The following NALF1 variants were observed in gnomAD, a reference collection of about 807,000 sequenced individuals.
The protein encoded by NALF1 is family with sequence similarity 155 member A.
A neutral mutation model predicts 48.4 loss-of-function variants in NALF1; 3 were observed. That is an observed-to-expected ratio of 0.06 (90% CI 0.03 to 0.16). NALF1 has a LOEUF of 0.16. Among genes scored for constraint, NALF1 ranks in the 10% least tolerant of loss-of-function variants. NALF1 has a pLI of 1.00. For synonymous variants in NALF1, 262 were observed against 245.7 expected (o/e 1.07, Z -0.62); for missense variants, 526 against 571.5 (o/e 0.92, Z 0.81).
At chr13:107,638,853 A>G (rs997535161) in intron 1 of NALF1, among the ~76,000 whole-genome samples, 6 of 152,132 alleles carry the variant, frequency 3.9e-5, no homozygotes, top group African/African-American at 1.4e-4. Context: ...GTGAGGCTGG[A>G]GAACAGTGGG....
At chr13:107,440,906 T>A (rs116263091) in intron 1 of NALF1, among the ~76,000 whole-genome samples, 259 of 152,106 alleles carry the variant, frequency 1.7e-3, no homozygotes, top group African/African-American at 5.5e-3. Flanking sequence ...AACTTCGGTA[T>A]AAATAAACAA....
chr13:107,328,273 TACACACACACACACACACACAC>T (rs34987619), intron 1 of NALF1, among the ~76,000 whole-genome samples: 1 of 144,008 alleles, frequency 6.9e-6, no homozygotes, highest in Non-Finnish European at 1.5e-5. Context: ...TCTCCTGCAA[TACACACACACACACACACACAC>T]ACACACACAC....
intron 1 of NALF1, among the ~76,000 whole-genome samples, chr13:107,289,918 AC>A (rs1380006988): frequency 1.3e-5 from 2 of 152,128 alleles, no homozygotes; most frequent in African/African-American, 2.4e-5. Context: ...AAGAGCAGCA[AC>A]CCCTGTAGTG....
In NALF1 at chr13:107,495,419, A is replaced by G. The variant is rs144180341; in HGVS notation, c.916-284664T>C. Among the ~76,000 whole-genome samples the G allele has an allele frequency of 3.0e-4, 45 of 152,334 alleles. 1 individual carries two copies. In the East Asian group the frequency reaches 8.5e-3, roughly 29 times the overall value. On this transcript the variant is annotated intron_variant, in intron 1 of 2. Coordinates refer to ENST00000375915, the MANE Select transcript of NALF1 (RefSeq NM_001080396.3). The stretch of plus-strand genomic sequence containing the variant: ...ATAAAATGAAAATAGTTGATTTTTG[A>G]TATCTTGTCCAATGCCAAATAGACT...
chr13:107,629,096 T>C (rs532011709), intron 1 of NALF1, among the ~76,000 whole-genome samples: 200 of 152,288 alleles, frequency 1.3e-3, no homozygotes, highest in African/African-American at 4.4e-3. Context: ...CTGAATTAAA[T>C]TTCATAAGAC....
chr13:107,647,146 A>AT (rs1880334562), intron 1 of NALF1, among the ~76,000 whole-genome samples: 1 of 152,004 alleles, frequency 6.6e-6, no homozygotes. Context: ...GATTGAGGTA[A>AT]TTTATATATA....
intron 1 of NALF1, among the ~76,000 whole-genome samples, chr13:107,609,514 C>A (rs1879166416): frequency 6.6e-6 from 1 of 152,198 alleles, no homozygotes; most frequent in Non-Finnish European, 1.5e-5. Flanking sequence ...GCCTTGTGAG[C>A]CTGGTCTGAG....
At chr13:107,587,262 T>C (rs1878486240) in intron 1 of NALF1, among the ~76,000 whole-genome samples, 1 of 152,064 alleles carries the variant, frequency 6.6e-6, no homozygotes, top group Non-Finnish European at 1.5e-5. Flanking sequence ...ATTGAGGTGC[T>C]TTCCCCAACC....
At chr13:107,393,818 C>A (rs1038104054) in intron 1 of NALF1, among the ~76,000 whole-genome samples, 1 of 151,886 alleles carries the variant, frequency 6.6e-6, no homozygotes, top group African/African-American at 2.4e-5. Flanking sequence ...CAATAAAACT[C>A]TATATAACTC....
intron 1 of NALF1, among the ~76,000 whole-genome samples, chr13:107,385,170 T>A (rs1476250632): frequency 6.6e-6 from 1 of 152,220 alleles, no homozygotes; most frequent in Non-Finnish European, 1.5e-5. Context: ...ATATCTCATT[T>A]TATAAAGTTC....
chr13:107,585,035 A>G (rs770310407), intron 1 of NALF1, among the ~76,000 whole-genome samples: 2 of 152,204 alleles, frequency 1.3e-5, no homozygotes, highest in African/African-American at 2.4e-5. Flanking sequence ...AAAATGTGAC[A>G]TAACTGCAAT....
intron 1 of NALF1, among the ~76,000 whole-genome samples, chr13:107,631,486 T>G (rs1879833629): frequency 6.6e-6 from 1 of 152,188 alleles, no homozygotes; most frequent in Non-Finnish European, 1.5e-5. Flanking sequence ...CGTTGAATTA[T>G]GAGAAAATTA....
chr13:107,221,619 T>G (rs1434075929), intron 1 of NALF1, among the ~76,000 whole-genome samples: 3 of 152,086 alleles, frequency 2.0e-5, no homozygotes, highest in Non-Finnish European at 4.4e-5. Context: ...AACTATTTAC[T>G]ATCAGTTATT....
At chr13:107,652,827 AG>A (rs1344745635) in intron 1 of NALF1, among the ~76,000 whole-genome samples, 1 of 152,148 alleles carries the variant, frequency 6.6e-6, no homozygotes, top group African/African-American at 2.4e-5. Context: ...TTATCAGTAA[AG>A]GCCTTTCTCC....
At chr13:107,334,666 A>T (rs1268515469) in intron 1 of NALF1, among the ~76,000 whole-genome samples, 5 of 152,336 alleles carry the variant, frequency 3.3e-5, no homozygotes, top group African/African-American at 7.2e-5. Context: ...AAGACTTTTT[A>T]AAAAACCTTT....
At chr13:107,195,258 T>A (rs1879366210) in intron 2 of NALF1, among the ~76,000 whole-genome samples, 1 of 152,180 alleles carries the variant, frequency 6.6e-6, no homozygotes, top group Non-Finnish European at 1.5e-5. Flanking sequence ...AACCCACATG[T>A]ACCCTAAAAC....
At chr13:107,451,616 C>T (rs1009710709) in intron 1 of NALF1, among the ~76,000 whole-genome samples, 52 of 152,134 alleles carry the variant, frequency 3.4e-4, no homozygotes, top group African/African-American at 1.2e-3. Context: ...ATTCTCTTTC[C>T]TCTTCACTGG....
At chr13:107,422,217 T>C (rs964312547) in intron 1 of NALF1, among the ~76,000 whole-genome samples, 4 of 152,162 alleles carry the variant, frequency 2.6e-5, no homozygotes, top group Non-Finnish European at 5.9e-5. Context: ...TGTATTATTC[T>C]CCCTGTTAGG....
intron 2 of NALF1, among the ~76,000 whole-genome samples, chr13:107,196,689 G>C (rs574763429): frequency 8.4e-4 from 128 of 152,270 alleles, no homozygotes; most frequent in African/African-American, 2.9e-3. Flanking sequence ...TCTCCATGGT[G>C]GGGGAGATGG....
Sources: allele counts gnomAD v4.1 joint callset (sites outside exome capture counted in the v4.1 genomes callset), GRCh38; gene constraint gnomAD v4.1.1; transcripts MANE v1.5; gene names NCBI Gene and HGNC (gene_info 2026-07-23, HGNC 2026-07-21).